Variants in ZNF106 observed in about 807,000 individuals in gnomAD.
ZNF106 encodes SH3-domain binding protein 3.
In ZNF106, 67 loss-of-function variants were observed where a neutral mutation model predicts 195.1. The observed-to-expected ratio is 0.34, with a 90% CI of 0.28 to 0.42. The LOEUF is 0.42. ZNF106 is among the 10% of genes least tolerant of loss of function. The probability of loss-of-function intolerance (pLI) is 1.00; values close to 1 mark genes in which losing one functional copy is unlikely to be tolerated. For missense variants in ZNF106, 2,118 were observed against 2,304.5 expected (o/e 0.92, Z 1.66); for synonymous variants, 784 against 818.6 (o/e 0.96, Z 0.72).
rs953908083 is a variant in ZNF106, at chr15:42,448,759, G to A, written c.2502-54C>T. 9.2e-6 allele frequency: 14 copies of A among 1,518,774 alleles called. No individual in the cohort carries two copies. In the African/African-American group the frequency reaches 1.1e-4, roughly 12 times the overall value. The allele number at this position is 1,518,774 out of a possible 1,614,324, so 94.1% of individuals were successfully genotyped here. ...TAAATTGGATATGGTTGTTGGGAGG[G>A]GCATTATTTTTTAATGTGCCAGGCT... On this transcript the variant is annotated intron_variant, in intron 5 of 21. Coordinates refer to ENST00000564754, the MANE Select transcript of ZNF106 (RefSeq NM_001366845.3).
chr15:42,429,365 G>A (rs1020009149), intron 14 of ZNF106, among the ~76,000 whole-genome samples: 7 of 151,580 alleles, frequency 4.6e-5, no homozygotes, highest in African/African-American at 1.5e-4. Context: ...CTTGAACCAC[G>A]GAGGCGGAGG....
At chr15:42,438,928 A>G (rs1023047337) in intron 11 of ZNF106, 105 bp downstream of exon 11, 2 of 1,345,358 alleles carry the variant, frequency 1.5e-6, no homozygotes, top group Non-Finnish European at 2.0e-6. Context: ...CTGCATTCAC[A>G]TAAAGTTTGG....
At chr15:42,428,971 T>A (rs1429733066) in intron 14 of ZNF106, among the ~76,000 whole-genome samples, 1 of 151,340 alleles carries the variant, frequency 6.6e-6, no homozygotes, top group Non-Finnish European at 1.5e-5. Context: ...TTCATCGTAT[T>A]AGCCAGGATG....
At chr15:42,462,088 G>A (rs1034176800) in intron 3 of ZNF106, among the ~76,000 whole-genome samples, 7 of 152,028 alleles carry the variant, frequency 4.6e-5, no homozygotes, top group East Asian at 1.9e-4. Context: ...AATGAGTTTG[G>A]GTGCGAAACC....
intron 12 of ZNF106, among the ~76,000 whole-genome samples, chr15:42,438,353 T>A (rs1315821612): frequency 6.6e-6 from 1 of 152,196 alleles, no homozygotes; most frequent in Non-Finnish European, 1.5e-5. Context: ...ATAGCGCCAC[T>A]GCACTCCAGC....
chr15:42,428,106 A>C lies in ZNF106; in HGVS notation c.4910T>G (p.Leu1637Arg). Residue 1637 changes from leucine to arginine, a missense_variant, in exon 15 of 22, where the codon CTG (leucine) becomes CGG (arginine). Physicochemically the swap from Leu to Arg is moderately radical, Grantham distance 102 (BLOSUM62 -2). Transcript: ENST00000564754. ...KSRECVEQLQ[L>R]EDRVLCLHSR... ...GTGGAGGCAGAGGACCCGGTCTTCC[A>C]GCTGTAACTGCTCCACACACTCTCG... 1 of 1,614,108 alleles carries C rather than the reference A, an allele frequency of 6.2e-7. No homozygotes were observed. Among genetic ancestry groups the C allele is most frequent in the Non-Finnish European group, 8.5e-7 (1 of 1,179,976 alleles).
chr15:42,470,123 G>T (rs546798828), intron 2 of ZNF106, among the ~76,000 whole-genome samples: 1 of 151,980 alleles, frequency 6.6e-6, no homozygotes, highest in African/African-American at 2.4e-5. Context: ...GTTCAAGACC[G>T]GCTGGGCAAC....
intron 7 of ZNF106, among the ~76,000 whole-genome samples, 161 bp downstream of exon 7, chr15:42,446,428 A>G (rs2055771661): frequency 6.6e-6 from 1 of 152,152 alleles, no homozygotes. Flanking sequence ...AAAAAAATAA[A>G]AGAATTAATG....
chr15:42,462,109 A>G (rs1024021084), intron 3 of ZNF106, among the ~76,000 whole-genome samples: 1 of 152,192 alleles, frequency 6.6e-6, no homozygotes, highest in African/African-American at 2.4e-5. Flanking sequence ...TGACATTCCC[A>G]TTGGCAGCTC....
chr15:42,464,460 A>G (rs1336289710), intron 3 of ZNF106, among the ~76,000 whole-genome samples: 2 of 152,034 alleles, frequency 1.3e-5, no homozygotes, highest in East Asian at 3.9e-4. Flanking sequence ...TCAAATTGAC[A>G]GAAGTCAAAT....
At chr15:42,462,616 A>G (rs1839031765) in intron 3 of ZNF106, among the ~76,000 whole-genome samples, 1 of 152,154 alleles carries the variant, frequency 6.6e-6, no homozygotes, top group Non-Finnish European at 1.5e-5. Context: ...AAATAAATAA[A>G]TAAGTACGTA....
chr15:42,475,785 C>G (rs1209449307), intron 1 of ZNF106, among the ~76,000 whole-genome samples: 1 of 152,090 alleles, frequency 6.6e-6, no homozygotes, highest in Admixed American at 6.6e-5. Context: ...AAAGATACGT[C>G]CAGAAATGTT....
At chr15:42,424,266 A>G (rs2054773156) in intron 16 of ZNF106, 12 of 529,700 alleles carry the variant, frequency 2.3e-5, no homozygotes, top group Non-Finnish European at 4.0e-5. Context: ...ATGTATTATT[A>G]CGTTTGTTAC....
chr15:42,470,975 C>T (rs758893868), intron 2 of ZNF106, among the ~76,000 whole-genome samples: 1 of 152,140 alleles, frequency 6.6e-6, no homozygotes, highest in Non-Finnish European at 1.5e-5. Context: ...AAAATAGTAT[C>T]CACCCAAGTC....
Position 42,450,977 on chromosome 15 carries a change from ATTTCT to A in ZNF106, c.1290_1294del (p.Lys430AsnfsTer7), listed in dbSNP as rs780935032. 2 of 1,614,014 alleles carry A rather than the reference ATTTCT, an allele frequency of 1.2e-6. No individual in the cohort carries two copies. Among genetic ancestry groups the A allele is most frequent in the South Asian group, 2.2e-5 (2 of 91,076 alleles). ...CTTGTGATTAAGAGATCCAGTATGT[ATTTCT>A]TTTTGTGTTTTCTGTGTTGGGGAAT... On this transcript the variant is annotated frameshift_variant, in exon 5 of 22. Transcript: ENST00000564754. LOFTEE classifies it high-confidence loss of function.
chr15:42,448,005 CTT>C (rs2055833482), intron 6 of ZNF106, 65 bp downstream of exon 6: 1 of 1,508,852 alleles, frequency 6.6e-7, no homozygotes, highest in Non-Finnish European at 8.9e-7. Context: ...ACAGTTGAAC[CTT>C]TTTTCATAAG....
intron 3 of ZNF106, among the ~76,000 whole-genome samples, chr15:42,458,765 T>G (rs559217102): frequency 1.3e-5 from 2 of 151,290 alleles, no homozygotes; most frequent in Admixed American, 6.6e-5. Context: ...AAATTCTAGG[T>G]GTGCTGTTTT....
chr15:42,426,764 T>C (rs1566997650), intron 15 of ZNF106, among the ~76,000 whole-genome samples: 1 of 152,198 alleles, frequency 6.6e-6, no homozygotes, highest in African/African-American at 2.4e-5. Flanking sequence ...TATCACGTTT[T>C]AGCCTTTAAA....
intron 1 of ZNF106, among the ~76,000 whole-genome samples, chr15:42,480,366 C>T (rs754665977): frequency 6.6e-6 from 1 of 152,008 alleles, no homozygotes; most frequent in Non-Finnish European, 1.5e-5. Flanking sequence ...TAAATATAAC[C>T]ACTCTAGGCT....
Sources: gnomAD v4.1 joint callset for allele counts (sites outside exome capture counted in the v4.1 genomes callset) on GRCh38, gnomAD v4.1.1 for gene constraint, MANE v1.5 for transcripts, NCBI Gene and HGNC (gene_info 2026-07-23, HGNC 2026-07-21) for gene names.